The following UCHL3 variants were observed in gnomAD, a reference collection of about 807,000 sequenced individuals.
UCHL3 encodes ubiquitin C-terminal hydrolase L3.
A neutral mutation model predicts 35.8 loss-of-function variants in UCHL3; 22 were observed. That is an observed-to-expected ratio of 0.61 (90% CI 0.44 to 0.88). The LOEUF (loss-of-function observed/expected upper bound fraction) is 0.88, where lower values mean the gene tolerates loss of function less well. UCHL3 is among the 40% of genes least tolerant of loss of function. UCHL3 has a pLI of 0.00. For synonymous variants in UCHL3, 90 were observed against 92.8 expected, an observed-to-expected ratio of 0.97 and a Z score of 0.17; for missense variants, 229 against 276.9, an observed-to-expected ratio of 0.83 and a Z score of 1.23.
rs1320884445 is a variant in UCHL3 at position 75,602,657 on chromosome 13, A to T, written c.551-2112A>T. Among the ~76,000 whole-genome samples the T allele has an allele frequency of 4.6e-5, 7 of 152,210 alleles. No individual in the cohort carries two copies. In the East Asian group the frequency reaches 1.2e-3, roughly 25 times the overall value. ...TTTTACATTTTATTGTTTTGGCAAAATTTTTCTGTGAAGGACCAAGTAGTA... is the reference window on the plus strand; with the variant it reads ...TTTTACATTTTATTGTTTTGGCAAATTTTTTCTGTGAAGGACCAAGTAGTA... On this transcript the variant is annotated intron_variant, in intron 7 of 8. Coordinates refer to ENST00000377595, the MANE Select transcript of UCHL3 (RefSeq NM_006002.5).
intron 3 of UCHL3, among the ~76,000 whole-genome samples, chr13:75,561,835 ATACG>A (rs2031520690): frequency 1.3e-5 from 1 of 74,608 alleles, no homozygotes. Context: ...ACGTACGTAT[ATACG>A]TATACGTATA....
At chr13:75,589,814 AGATT>A (rs1388298483) in intron 6 of UCHL3, 16 of 747,386 alleles carry the variant, frequency 2.1e-5, no homozygotes, top group Non-Finnish European at 3.0e-5. Context: ...TTTGCTAGAT[AGATT>A]ATGGTTATTA....
chr13:75,593,436 T>C (rs2032564583), intron 6 of UCHL3, among the ~76,000 whole-genome samples: 3 of 152,168 alleles, frequency 2.0e-5, no homozygotes, highest in Admixed American at 6.6e-5. Flanking sequence ...GGGATTAGAC[T>C]TTTTTCTAAG....
At chr13:75,605,274 G>A (rs926926152) in intron 8 of UCHL3, among the ~76,000 whole-genome samples, 2 of 152,168 alleles carry the variant, frequency 1.3e-5, no homozygotes, top group Admixed American at 6.5e-5. Flanking sequence ...TTGGGAGGCC[G>A]AGGCGGGTGG....
At chr13:75,549,884 C>G in intron 1 of UCHL3, 22 bp downstream of exon 1, 14 of 1,613,658 alleles carry the variant, frequency 8.7e-6, no homozygotes, top group Non-Finnish European at 1.2e-5. Flanking sequence ...TCGGGGCAGC[C>G]CTGGGCCGTG....
intron 2 of UCHL3, among the ~76,000 whole-genome samples, chr13:75,559,462 C>G (rs13378810): frequency 0.093 from 14,178 of 152,198 alleles, 946 homozygotes; most frequent in Middle Eastern, 0.26. Flanking sequence ...ATACCTAGAA[C>G]CTTATTTTTG....
intron 3 of UCHL3, among the ~76,000 whole-genome samples, chr13:75,564,601 A>C (rs1023631164): frequency 6.6e-6 from 1 of 152,194 alleles, no homozygotes; most frequent in Non-Finnish European, 1.5e-5. Flanking sequence ...ACCAATCTGC[A>C]TTCCCACCAA....
chr13:75,567,610 C>A (rs1042781660), intron 5 of UCHL3, among the ~76,000 whole-genome samples: 3 of 151,542 alleles, frequency 2.0e-5, no homozygotes, highest in Non-Finnish European at 4.4e-5. Flanking sequence ...TGCAGTGATG[C>A]CATCTCTGCT....
chr13:75,595,091 T>G, intron 7 of UCHL3, 101 bp downstream of exon 7: 1 of 877,438 alleles, frequency 1.1e-6, no homozygotes, highest in African/African-American at 1.8e-5. Flanking sequence ...TTTACTTAAA[T>G]TAACTGGTTG....
chr13:75,561,271 T>G (rs2031486700), intron 3 of UCHL3, among the ~76,000 whole-genome samples: 1 of 152,228 alleles, frequency 6.6e-6, no homozygotes, highest in South Asian at 2.1e-4. Flanking sequence ...ACAAAGTTTT[T>G]GATAAATACA....
chr13:75,561,791 A>G (rs1000222821), intron 3 of UCHL3, among the ~76,000 whole-genome samples: 1 of 115,072 alleles, frequency 8.7e-6, no homozygotes, highest in African/African-American at 2.8e-5. Flanking sequence ...GTGTGTGTGT[A>G]TATATGTATA....
intron 6 of UCHL3, among the ~76,000 whole-genome samples, chr13:75,578,722 A>C (rs1268275620): frequency 1.3e-5 from 2 of 152,132 alleles, no homozygotes; most frequent in Non-Finnish European, 2.9e-5. Flanking sequence ...TTTACAATGA[A>C]ATATTAATAT....
chr13:75,603,115 A>G (rs1028735300), intron 7 of UCHL3, among the ~76,000 whole-genome samples: 2 of 152,142 alleles, frequency 1.3e-5, no homozygotes, highest in Admixed American at 6.5e-5. Flanking sequence ...TCAGCCTCCC[A>G]AACAGCTGGG....
chr13:75,588,452 T>A (rs2032388373), intron 6 of UCHL3, among the ~76,000 whole-genome samples: 1 of 152,150 alleles, frequency 6.6e-6, no homozygotes, highest in South Asian at 2.1e-4. Flanking sequence ...TGTGACAAAT[T>A]TCTTATTAAA....
intron 2 of UCHL3, among the ~76,000 whole-genome samples, chr13:75,555,542 C>A (rs1165572402): frequency 6.6e-6 from 1 of 152,126 alleles, no homozygotes; most frequent in African/African-American, 2.4e-5. Context: ...CCAACATTAT[C>A]TTTAATGCGG....
intron 6 of UCHL3, among the ~76,000 whole-genome samples, chr13:75,572,065 CT>C (rs1482889192): frequency 1.3e-5 from 2 of 149,670 alleles, no homozygotes; most frequent in East Asian, 3.9e-4. Flanking sequence ...TCTTTCCTTC[CT>C]TTTCTTTAAC....
At chr13:75,602,396 CT>C (rs1566232969) in intron 7 of UCHL3, among the ~76,000 whole-genome samples, 1 of 152,136 alleles carries the variant, frequency 6.6e-6, no homozygotes, top group Non-Finnish European at 1.5e-5. Flanking sequence ...AGTCAGGCCA[CT>C]ATTTTCTTCC....
chr13:75,594,036 T>C (rs990371317), intron 6 of UCHL3, among the ~76,000 whole-genome samples: 1 of 152,224 alleles, frequency 6.6e-6, no homozygotes. Flanking sequence ...TTGTATTTCA[T>C]TTCAAACCAT....
chr13:75,597,177 G>A (rs2032664667), intron 7 of UCHL3, among the ~76,000 whole-genome samples: 1 of 152,176 alleles, frequency 6.6e-6, no homozygotes, highest in South Asian at 2.1e-4. Context: ...AGAGTATTGA[G>A]TTAGTGAGTA....
Sources: gnomAD v4.1 joint callset for allele counts (sites outside exome capture counted in the v4.1 genomes callset) on GRCh38, gnomAD v4.1.1 for gene constraint, MANE v1.5 for transcripts, NCBI Gene and HGNC (gene_info 2026-07-23, HGNC 2026-07-21) for gene names.